Variants in PCNX1 observed in about 807,000 individuals in gnomAD.
PCNX1 encodes the protein pecanex 1, also known as pecanex-like protein 1.
PCNX1 carries 78 observed loss-of-function variants against 242.2 expected under a neutral mutation model. The observed-to-expected ratio is 0.32, with a 90% CI of 0.27 to 0.39. PCNX1 has a LOEUF of 0.39. Among genes scored for constraint, PCNX1 ranks in the 10% least tolerant of loss-of-function variants. The probability of loss-of-function intolerance (pLI) is 1.00; values close to 1 mark genes in which losing one functional copy is unlikely to be tolerated. For synonymous variants in PCNX1, 1,024 were observed against 1,032.9 expected (o/e 0.99, Z 0.17); for missense variants, 2,581 against 2,856.5 (o/e 0.90, Z 2.20).
At chr14:70,920,455 A>C (rs2056334923) in intron 1 of PCNX1, among the ~76,000 whole-genome samples, 1 of 152,206 alleles carries the variant, frequency 6.6e-6, no homozygotes. Flanking sequence ...TCTTATGAGA[A>C]AAATTTGCAA....
At chr14:70,910,193 T>C (rs1174617713) in intron 1 of PCNX1, among the ~76,000 whole-genome samples, 4 of 28,120 alleles carry the variant, frequency 1.4e-4, no homozygotes, top group East Asian at 8.4e-4. Context: ...CTCCTCCTCC[T>C]CCTCCTCCTC....
intron 13 of PCNX1, among the ~76,000 whole-genome samples, chr14:71,023,504 A>G (rs1248032720): frequency 2.6e-5 from 4 of 152,102 alleles, no homozygotes; most frequent in Admixed American, 2.6e-4. Context: ...CAGGGAGTAG[A>G]CATGGTTCTT....
At position 71,042,087 on chromosome 14, in the gene PCNX1, G is replaced by A. The variant is rs115897300; in HGVS notation, c.3868-3046G>A. On this transcript the variant is annotated intron_variant, in intron 19 of 35. Coordinates refer to ENST00000304743, the MANE Select transcript of PCNX1 (RefSeq NM_014982.3). ...TTAAAAATTTGTTGAGACTTGTTTCGTTGCATAACATATAGTCTGTCTTGG... is the reference window on the plus strand; with the variant it reads ...TTAAAAATTTGTTGAGACTTGTTTCATTGCATAACATATAGTCTGTCTTGG... Among the ~76,000 whole-genome samples the A allele has an allele frequency of 8.6e-3, 1,313 of 152,124 alleles. 21 individuals are homozygous for A. Among genetic ancestry groups the A allele is most frequent in the African/African-American group, 0.03 (1,258 of 41,512 alleles).
chr14:71,102,367 C>G, intron 31 of PCNX1, 147 bp downstream of exon 31: 3 of 603,440 alleles, frequency 5.0e-6, no homozygotes, highest in South Asian at 2.0e-5. Flanking sequence ...CTCTCGACCT[C>G]CCTTTGCTCC....
intron 28 of PCNX1, among the ~76,000 whole-genome samples, chr14:71,077,933 G>A (rs1595451963): frequency 6.6e-6 from 1 of 152,244 alleles, no homozygotes; most frequent in East Asian, 1.9e-4. Flanking sequence ...TGGGCTAGGA[G>A]TTCACAGTCT....
intron 7 of PCNX1, among the ~76,000 whole-genome samples, chr14:70,991,236 G>A (rs1172518971): frequency 4.4e-5 from 6 of 136,452 alleles, no homozygotes; most frequent in East Asian, 2.1e-4. Flanking sequence ...ACGGAGTCTC[G>A]CTCTGTCACC....
At chr14:71,035,607 A>G (rs1393129779) in intron 18 of PCNX1, among the ~76,000 whole-genome samples, 2 of 149,144 alleles carry the variant, frequency 1.3e-5, no homozygotes, top group African/African-American at 4.9e-5. Context: ...TAAAAATACA[A>G]AATATTAGCT....
chr14:71,044,345 A>G (rs186250094), intron 19 of PCNX1: 1 of 152,552 alleles, frequency 6.6e-6, no homozygotes, highest in Admixed American at 6.5e-5. Flanking sequence ...AGCAGGGAAG[A>G]AAAGTTTCAA....
chr14:70,995,675 T>G (rs1465335131), intron 7 of PCNX1, 66 bp from the exon 8 acceptor site: 29 of 1,403,610 alleles, frequency 2.1e-5, no homozygotes, highest in Non-Finnish European at 2.7e-5. Context: ...CTATGTTGAC[T>G]TCATTCTAGG....
chr14:71,078,448 T>G (rs1016269219), intron 28 of PCNX1, among the ~76,000 whole-genome samples: 5 of 152,232 alleles, frequency 3.3e-5, no homozygotes, highest in African/African-American at 1.2e-4. Flanking sequence ...TAAAATTACC[T>G]TCAATGGGAA....
intron 7 of PCNX1, among the ~76,000 whole-genome samples, chr14:70,992,802 T>C (rs1158666266): frequency 3.3e-5 from 5 of 152,188 alleles, no homozygotes; most frequent in South Asian, 2.1e-4. Flanking sequence ...TTTGTACCAT[T>C]ATTAGTTTAG....
chr14:70,994,396 G>GATAGATATATATATATAT (rs1555357306), intron 7 of PCNX1, among the ~76,000 whole-genome samples: 9 of 96,952 alleles, frequency 9.3e-5, no homozygotes, highest in Non-Finnish European at 1.3e-4. Context: ...ACAGGCTTAA[G>GATAGATATATATATATAT]ATATATATAT....
At position 70,950,718 on chromosome 14, in the gene PCNX1, G is replaced by A. The variant is rs575803094; in HGVS notation, c.362+3595G>A. 8.6e-5 allele frequency among the ~76,000 whole-genome samples: 13 copies of A among 151,572 alleles called. No individual in the cohort carries two copies. The South Asian group carries it at 1.7e-3, about 19-fold the overall frequency. On this transcript the variant is annotated intron_variant, in intron 2 of 35. Transcript: ENST00000304743. ...AAATAAATTATTGTTTAATATTCCC[G>A]TTTTTGAATTACTAGTGAAATGGAG...
chr14:71,055,875 C>T (rs1322614982), intron 25 of PCNX1, among the ~76,000 whole-genome samples: 2 of 152,136 alleles, frequency 1.3e-5, no homozygotes, highest in Non-Finnish European at 2.9e-5. Context: ...TTTGAAGGGT[C>T]TGCAGTCAGA....
intron 1 of PCNX1, among the ~76,000 whole-genome samples, chr14:70,922,522 T>C (rs1294661632): frequency 6.6e-6 from 1 of 152,118 alleles, no homozygotes; most frequent in Non-Finnish European, 1.5e-5. Context: ...TCTTCTGTTC[T>C]CTATCATCCA....
chr14:71,018,720 G>A (rs1401244519), intron 11 of PCNX1, among the ~76,000 whole-genome samples: 1 of 152,070 alleles, frequency 6.6e-6, no homozygotes, highest in African/African-American at 2.4e-5. Context: ...GAATAGAAAA[G>A]CAAATATTAA....
At chr14:71,022,208 C>G (rs1210480110) in intron 12 of PCNX1, among the ~76,000 whole-genome samples, 1 of 152,136 alleles carries the variant, frequency 6.6e-6, no homozygotes, top group African/African-American at 2.4e-5. Flanking sequence ...ATTAAAATTA[C>G]TGGTTGTCAG....
chr14:70,930,064 C>A (rs1033568401), intron 1 of PCNX1, among the ~76,000 whole-genome samples: 8 of 151,894 alleles, frequency 5.3e-5, no homozygotes, highest in African/African-American at 1.9e-4. Context: ...CCTTATTTTT[C>A]ATGTCTGTGC....
At chr14:71,004,821 A>G (rs529613892) in intron 8 of PCNX1, among the ~76,000 whole-genome samples, 10 of 152,350 alleles carry the variant, frequency 6.6e-5, no homozygotes, top group Non-Finnish European at 1.5e-4. Context: ...TGCTATCTCC[A>G]TCAGATTATT....
Sources: allele counts gnomAD v4.1 joint callset (sites outside exome capture counted in the v4.1 genomes callset), GRCh38; gene constraint gnomAD v4.1.1; transcripts MANE v1.5; gene names NCBI Gene and HGNC (gene_info 2026-07-23, HGNC 2026-07-21).